PIGU: variants seen among roughly 807,000 people sequenced by gnomAD.
The protein encoded by PIGU is GPI-anchor transamidase component PIGU.
In PIGU, 24 loss-of-function variants were observed where a neutral mutation model predicts 49.9. The ratio of observed to expected loss-of-function variants is 0.48; its 90% confidence interval spans 0.35 to 0.68. The LOEUF (loss-of-function observed/expected upper bound fraction) is 0.68, where lower values mean the gene tolerates loss of function less well. Among genes scored for constraint, PIGU ranks in the 30% least tolerant of loss-of-function variants. PIGU has a pLI of 0.01. For synonymous variants in PIGU, 220 were observed against 205.7 expected, an observed-to-expected ratio of 1.07 and a Z score of -0.59; for missense variants, 490 against 532.6, an observed-to-expected ratio of 0.92 and a Z score of 0.79.
chr20:34,585,215 A>G (rs896998653), intron 9 of PIGU, among the ~76,000 whole-genome samples: 1 of 152,202 alleles, frequency 6.6e-6, no homozygotes. Flanking sequence ...GCCAGGGAAA[A>G]TGCTGGGGCT....
At chr20:34,615,957 C>G (rs1211972129) in intron 7 of PIGU, 85 bp downstream of exon 7, 1 of 1,492,328 alleles carries the variant, frequency 6.7e-7, no homozygotes, top group African/African-American at 1.4e-5. Context: ...CCTTTACTAA[C>G]CCGTGCCCTT....
Position 34,589,337 on chromosome 20 carries a change from T to TA in PIGU, c.628-731dup, listed in dbSNP as rs1414445966. 2.0e-5 allele frequency among the ~76,000 whole-genome samples: 3 copies of TA among 152,290 alleles called. No individual in the cohort carries two copies. The South Asian group carries it at 6.2e-4, about 32-fold the overall frequency. The stretch of plus-strand genomic sequence containing the variant: ...CTTTAAAAAAACGCCAAATTTGGGT[T>TA]AAAAAAACTTCAACTTTATCTGCTT... On this transcript the variant is annotated intron_variant, in intron 7 of 11. Transcript: ENST00000217446.
In PIGU at chr20:34,593,798, T is replaced by C. The variant is rs575897687; in HGVS notation, c.628-5191A>G. 1.2e-4 allele frequency among the ~76,000 whole-genome samples: 19 copies of C among 152,276 alleles called. No individual in the cohort carries two copies. The South Asian group carries it at 3.9e-3, about 32-fold the overall frequency. ...TAGAAAAAAACATGGTGAACTTGTC[T>C]TTAACTTTGATGTAGAAAAAAGCTC... On this transcript the variant is annotated intron_variant, in intron 7 of 11. Transcript: ENST00000217446.
chr20:34,601,750 T>C (rs1984432894), intron 7 of PIGU, among the ~76,000 whole-genome samples: 1 of 152,240 alleles, frequency 6.6e-6, no homozygotes, highest in Non-Finnish European at 1.5e-5. Flanking sequence ...ACATACTATT[T>C]CTTTTTCTAA....
intron 1 of PIGU, among the ~76,000 whole-genome samples, chr20:34,670,948 T>G (rs947043836): frequency 2.0e-5 from 3 of 152,250 alleles, no homozygotes; most frequent in African/African-American, 7.2e-5. Flanking sequence ...ACTGTCAATC[T>G]TTGGGTGAAA....
At chr20:34,603,895 C>T (rs186266449) in intron 7 of PIGU, among the ~76,000 whole-genome samples, 1 of 152,010 alleles carries the variant, frequency 6.6e-6, no homozygotes, top group Non-Finnish European at 1.5e-5. Context: ...CACACCACAC[C>T]CCTACAGGGG....
At chr20:34,562,132 C>T (rs577265830) in intron 11 of PIGU, among the ~76,000 whole-genome samples, 92 of 152,336 alleles carry the variant, frequency 6.0e-4, no homozygotes, top group Non-Finnish European at 1.2e-3. Flanking sequence ...AGGGATTTGC[C>T]AAGGGCCCTA....
At chr20:34,667,953 CT>C (rs1240041996) in intron 1 of PIGU, among the ~76,000 whole-genome samples, 1 of 152,084 alleles carries the variant, frequency 6.6e-6, no homozygotes, top group East Asian at 1.9e-4. Context: ...ATATGCACCC[CT>C]GATCCAATGC....
intron 7 of PIGU, among the ~76,000 whole-genome samples, chr20:34,613,524 A>AT (rs1207395392): frequency 1.3e-5 from 2 of 151,968 alleles, no homozygotes; most frequent in East Asian, 1.9e-4. Context: ...TTACTTATTC[A>AT]TTTTTTGCAG....
rs535017861 is a variant in PIGU at position 34,584,324 on chromosome 20, A to G, written c.926+1113T>C. Among the ~76,000 whole-genome samples the G allele has an allele frequency of 6.1e-4, 93 of 152,260 alleles. 1 individual carries two copies. The highest frequency in any genetic ancestry group is 1.0e-3 in the South Asian group (5 of 4,818). On this transcript the variant is annotated intron_variant, in intron 9 of 11. Coordinates refer to ENST00000217446, the MANE Select transcript of PIGU (RefSeq NM_080476.5). ...ACATCTATCAGCTCTCTTAGACTGC[A>G]GAAGAGGACTCCACACATCCTTTGG...
At chr20:34,595,676 A>G (rs1444937931) in intron 7 of PIGU, among the ~76,000 whole-genome samples, 1 of 152,236 alleles carries the variant, frequency 6.6e-6, no homozygotes, top group Non-Finnish European at 1.5e-5. Context: ...AAACAATTAA[A>G]ATCAACCAAT....
intron 1 of PIGU, among the ~76,000 whole-genome samples, chr20:34,670,690 C>T (rs1987281779): frequency 6.6e-6 from 1 of 152,198 alleles, no homozygotes; most frequent in South Asian, 2.1e-4. Context: ...CAGGCACACG[C>T]CACCATACCC....
chr20:34,594,699 G>A (rs975522663), intron 7 of PIGU, among the ~76,000 whole-genome samples: 10 of 151,524 alleles, frequency 6.6e-5, no homozygotes, highest in Non-Finnish European at 1.5e-4. Context: ...ACTTGAACCC[G>A]AGAGGTGGAG....
At chr20:34,626,431 T>C (rs1476664315) in intron 6 of PIGU, among the ~76,000 whole-genome samples, 2 of 151,378 alleles carry the variant, frequency 1.3e-5, no homozygotes, top group African/African-American at 4.9e-5. Flanking sequence ...GCCTCCCGAG[T>C]AGTTGGGATT....
At chr20:34,640,290 C>T (rs977285223) in intron 4 of PIGU, among the ~76,000 whole-genome samples, 1 of 152,214 alleles carries the variant, frequency 6.6e-6, no homozygotes. Context: ...GGAAGGCACA[C>T]AGATCAGCAA....
chr20:34,567,513 T>C (rs912659525), intron 11 of PIGU, among the ~76,000 whole-genome samples: 9 of 151,872 alleles, frequency 5.9e-5, no homozygotes, highest in African/African-American at 2.2e-4. Flanking sequence ...CACCACCACC[T>C]CCCCCAGATT....
At chr20:34,665,895 T>C (rs984360335) in intron 1 of PIGU, among the ~76,000 whole-genome samples, 2 of 152,082 alleles carry the variant, frequency 1.3e-5, no homozygotes, top group African/African-American at 4.8e-5. Flanking sequence ...CAAATTCTAA[T>C]ATATATAAAA....
chr20:34,576,313 GAC>G (rs1374259962), intron 10 of PIGU, among the ~76,000 whole-genome samples: 1 of 152,148 alleles, frequency 6.6e-6, no homozygotes, highest in African/African-American at 2.4e-5. Flanking sequence ...GTGAAAAAAT[GAC>G]ACAGATATAT....
intron 6 of PIGU, among the ~76,000 whole-genome samples, chr20:34,619,127 GAAGT>G (rs1176032264): frequency 2.0e-5 from 3 of 152,220 alleles, no homozygotes; most frequent in Non-Finnish European, 4.4e-5. Flanking sequence ...AGAGAAGCTA[GAAGT>G]AATAGGACAG....
Sources: gnomAD v4.1 joint callset for allele counts (sites outside exome capture counted in the v4.1 genomes callset) on GRCh38, gnomAD v4.1.1 for gene constraint, MANE v1.5 for transcripts, NCBI Gene and HGNC (gene_info 2026-07-23, HGNC 2026-07-21) for gene names.